The following LRRC4C variants were observed in gnomAD, a reference collection of about 807,000 sequenced individuals.
LRRC4C encodes the protein leucine rich repeat containing 4C.
A neutral mutation model predicts 33.6 loss-of-function variants in LRRC4C; 5 were observed. The ratio of observed to expected loss-of-function variants is 0.15; its 90% confidence interval spans 0.08 to 0.31. The LOEUF is 0.31. Ranked by LOEUF, LRRC4C falls within the 10% of genes least tolerant of loss-of-function variation. The probability of loss-of-function intolerance (pLI) is 1.00; values close to 1 mark genes in which losing one functional copy is unlikely to be tolerated. For synonymous variants in LRRC4C, 329 were observed against 302.0 expected (o/e 1.09, Z -0.93); for missense variants, 560 against 796.7 (o/e 0.70, Z 3.58).
rs150558200 is a variant in LRRC4C, at chr11:40,992,940, ATGTTTTCC to A, written c.-495-59225_-495-59218del. ...AAGAATATTAAATAAGTGTGTCATT[ATGTTTTCC>A]TTAGAGAAGTCTTCTTGGCTGCTGG... On this transcript the variant is annotated intron_variant, in intron 1 of 6. Coordinates refer to ENST00000528697, the MANE Select transcript of LRRC4C (RefSeq NM_001258419.2). Among the ~76,000 whole-genome samples, 479 of 152,272 alleles carry A rather than the reference ATGTTTTCC, an allele frequency of 3.1e-3. 6 individuals carry two copies. In the South Asian group the frequency reaches 0.036, roughly 11 times the overall value.
chr11:40,480,492 G>C (rs1748050986), intron 3 of LRRC4C, among the ~76,000 whole-genome samples: 1 of 151,942 alleles, frequency 6.6e-6, no homozygotes, highest in Admixed American at 6.6e-5. Context: ...GGTAGAGGAG[G>C]GTGGGGATCA....
intron 2 of LRRC4C, among the ~76,000 whole-genome samples, chr11:40,668,146 C>T (rs1286638292): frequency 6.6e-6 from 1 of 152,130 alleles, no homozygotes; most frequent in Non-Finnish European, 1.5e-5. Context: ...TCTGATGATA[C>T]TAATCTGATC....
intron 1 of LRRC4C, among the ~76,000 whole-genome samples, chr11:41,021,766 GAAGT>G (rs1372546334): frequency 1.3e-5 from 2 of 152,024 alleles, no homozygotes; most frequent in East Asian, 3.9e-4. Flanking sequence ...ACTAACCTCA[GAAGT>G]AAGTATTCTT....
chr11:40,955,861 A>G (rs1354497755), intron 1 of LRRC4C, among the ~76,000 whole-genome samples: 1 of 151,832 alleles, frequency 6.6e-6, no homozygotes, highest in East Asian at 1.9e-4. Context: ...TTCACCATAG[A>G]AAAACTCATA....
intron 3 of LRRC4C, among the ~76,000 whole-genome samples, chr11:40,612,206 C>G (rs1961297355): frequency 6.6e-6 from 1 of 151,630 alleles, no homozygotes; most frequent in Admixed American, 6.6e-5. Context: ...TATTATTAAG[C>G]CTTAAAAAGA....
At chr11:40,754,217 A>G (rs932456673) in intron 2 of LRRC4C, among the ~76,000 whole-genome samples, 1 of 152,100 alleles carries the variant, frequency 6.6e-6, no homozygotes, top group Non-Finnish European at 1.5e-5. Flanking sequence ...TATAAAGGAC[A>G]TGCTGGCTAT....
intron 5 of LRRC4C, among the ~76,000 whole-genome samples, chr11:40,203,469 T>C (rs1452327901): frequency 6.6e-6 from 1 of 152,182 alleles, no homozygotes; most frequent in African/African-American, 2.4e-5. Flanking sequence ...ACCGAGGGGA[T>C]GTTTACTATG....
At chr11:41,147,505 G>T (rs1180845867) in intron 1 of LRRC4C, among the ~76,000 whole-genome samples, 2 of 152,086 alleles carry the variant, frequency 1.3e-5, no homozygotes, top group Admixed American at 1.3e-4. Context: ...CCTTAGTCTG[G>T]GAAAGAAGTA....
intron 5 of LRRC4C, among the ~76,000 whole-genome samples, chr11:40,171,153 TA>T (rs879272170): frequency 8.5e-5 from 13 of 152,106 alleles, no homozygotes; most frequent in African/African-American, 2.6e-4. Context: ...GAAAAACTCA[TA>T]AAAAAAGGTA....
At chr11:40,675,230 C>A (rs1463753281) in intron 2 of LRRC4C, among the ~76,000 whole-genome samples, 1 of 152,056 alleles carries the variant, frequency 6.6e-6, no homozygotes, top group African/African-American at 2.4e-5. Flanking sequence ...AAGTTGCAAT[C>A]AGAAAGTGTA....
chr11:40,746,504 C>A (rs1948429035), intron 2 of LRRC4C, among the ~76,000 whole-genome samples: 1 of 152,126 alleles, frequency 6.6e-6, no homozygotes, highest in Admixed American at 6.5e-5. Context: ...AATTTATTTG[C>A]CTAGTCAGCA....
At chr11:41,301,399 G>A (rs1186047126) in intron 1 of LRRC4C, among the ~76,000 whole-genome samples, 2 of 152,144 alleles carry the variant, frequency 1.3e-5, no homozygotes, top group Non-Finnish European at 2.9e-5. Context: ...CAAATTGATG[G>A]GGGTGGGAAA....
At chr11:40,745,450 T>C (rs1403136963) in intron 2 of LRRC4C, among the ~76,000 whole-genome samples, 2 of 152,202 alleles carry the variant, frequency 1.3e-5, no homozygotes, top group Admixed American at 6.5e-5. Flanking sequence ...ACATTTTGAC[T>C]TAAAGTGAAT....
intron 2 of LRRC4C, among the ~76,000 whole-genome samples, chr11:40,703,390 C>A (rs1392667632): frequency 1.3e-5 from 2 of 152,048 alleles, no homozygotes; most frequent in African/African-American, 4.8e-5. Context: ...CTTACATTGG[C>A]AAAACCACGT....
intron 2 of LRRC4C, among the ~76,000 whole-genome samples, chr11:40,932,930 G>T (rs564734706): frequency 2.6e-5 from 4 of 152,274 alleles, no homozygotes; most frequent in Admixed American, 2.6e-4. Context: ...TGCCTGCATA[G>T]AATATTTGAT....
intron 2 of LRRC4C, among the ~76,000 whole-genome samples, chr11:40,822,425 T>G (rs1163035397): frequency 6.6e-6 from 1 of 151,732 alleles, no homozygotes; most frequent in Non-Finnish European, 1.5e-5. Flanking sequence ...TGATGGACAC[T>G]TAGGTTGATT....
intron 2 of LRRC4C, among the ~76,000 whole-genome samples, chr11:40,926,269 C>T (rs1957403843): frequency 6.6e-6 from 1 of 152,150 alleles, no homozygotes; most frequent in Non-Finnish European, 1.5e-5. Flanking sequence ...CTCCGTGCTC[C>T]ATGTTGTACA....
At position 40,161,131 on chromosome 11, in the gene LRRC4C, GA is replaced by G. The variant is rs142151780; in HGVS notation, c.-95-20279del. 0.012 allele frequency among the ~76,000 whole-genome samples: 1,813 copies of G among 152,172 alleles called. 71 individuals are homozygous for G. In the East Asian group the frequency reaches 0.13, roughly 11 times the overall value. ...GGTTTATGAATAAGTTTTAGTAGGA[GA>G]AAAAAATGAAATCTCTTTACAATTA... On this transcript the variant is annotated intron_variant, in intron 5 of 6. Transcript: ENST00000528697.
At chr11:41,408,314 A>G (rs1193604948) in intron 1 of LRRC4C, among the ~76,000 whole-genome samples, 2 of 152,182 alleles carry the variant, frequency 1.3e-5, no homozygotes, top group African/African-American at 4.8e-5. Flanking sequence ...ACTAACGAAT[A>G]TTAATTGTTT....
Sources: gnomAD v4.1 joint callset for allele counts (sites outside exome capture counted in the v4.1 genomes callset) on GRCh38, gnomAD v4.1.1 for gene constraint, MANE v1.5 for transcripts, NCBI Gene and HGNC (gene_info 2026-07-23, HGNC 2026-07-21) for gene names.